The following OTOP3 variants were observed in gnomAD, a reference collection of about 807,000 sequenced individuals.
OTOP3 encodes otopetrin 3, also known as proton channel OTOP3.
In OTOP3, 41 loss-of-function variants were observed where a neutral mutation model predicts 50.8. The observed-to-expected ratio is 0.81, with a 90% CI of 0.63 to 1.05. OTOP3 has a LOEUF of 1.05. Among genes scored for constraint, OTOP3 ranks in the 50% least tolerant of loss-of-function variants. OTOP3 has a pLI of 0.00. For missense variants in OTOP3, 788 were observed against 760.8 expected (o/e 1.04, Z -0.42); for synonymous variants, 320 against 324.4 (o/e 0.99, Z 0.14).
At chr17:74,938,985 T>A (rs1187755541) in intron 1 of OTOP3, among the ~76,000 whole-genome samples, 1 of 150,196 alleles carries the variant, frequency 6.7e-6, no homozygotes, top group African/African-American at 2.5e-5. Flanking sequence ...TTAGGCAACA[T>A]AACGTGACCC....
At chr17:74,944,447 T>C (rs1251002066) in intron 5 of OTOP3, among the ~76,000 whole-genome samples, 1 of 152,224 alleles carries the variant, frequency 6.6e-6, no homozygotes, top group Non-Finnish European at 1.5e-5. Flanking sequence ...AGTGACATCA[T>C]GGATTTTGAA....
chr17:74,941,457 G>A lies in OTOP3; in HGVS notation c.84G>A (p.Lys28=), dbSNP rs549857606. ...EAQETEAAPE[K]ENRVDVGAEE... ...AGGAGACTGAAGCAGCCCCGGAGAA[G>A]GAGAACCGAGTGGATGTGGGGGCCG... is the stretch of plus-strand genomic sequence containing the variant. Residue 28 remains lysine (K), a synonymous_variant, in exon 2 of 7, where the codon AAG becomes AAA. Transcript: ENST00000328801. 6.3e-7 allele frequency: 1 copy of A among 1,599,692 alleles called. No individual in the cohort carries two copies. Among genetic ancestry groups the A allele is most frequent in the Non-Finnish European group, 8.5e-7 (1 of 1,172,500 alleles).
chr17:74,943,706 C>A lies in OTOP3; in HGVS notation c.733C>A (p.Leu245Ile). ...AGAGATCGAAGCTGAGCTTGGCATC[C>A]TCATGGAAAAATCCACAGGTATGGA... The part of the protein sequence containing the change: ...HREIEAELGI[L>I]MEKSTGNETN... Residue 245 changes from leucine to isoleucine, a missense_variant, in exon 5 of 7, where the codon CTC becomes ATC. Coordinates refer to ENST00000328801, the MANE Select transcript of OTOP3 (RefSeq NM_001272005.2). The A allele has an allele frequency of 6.2e-7, 1 of 1,609,228 alleles. No homozygotes were observed.
chr17:74,947,822 C>T (rs1329151179), intron 6 of OTOP3, among the ~76,000 whole-genome samples: 5 of 152,220 alleles, frequency 3.3e-5, no homozygotes, highest in Admixed American at 3.3e-4. Context: ...ATAATGGCTG[C>T]CCAGCTTCTG....
rs1054881328 is a variant in OTOP3, at chr17:74,940,718, C to T, written c.20-675C>T. Among the ~76,000 whole-genome samples the T allele has an allele frequency of 2.0e-5, 3 of 152,218 alleles. No individual in the cohort carries two copies. The East Asian group carries it at 5.8e-4, about 29-fold the overall frequency. On this transcript the variant is annotated intron_variant, in intron 1 of 6. Coordinates refer to ENST00000328801, the MANE Select transcript of OTOP3 (RefSeq NM_001272005.2). ...GAACAGTTTCATCCCGAAACCATCC[C>T]TCCACCCTCCATCCATGGAAAAATT...
chr17:74,938,182 G>T (rs1282410287), intron 1 of OTOP3, among the ~76,000 whole-genome samples: 1 of 152,170 alleles, frequency 6.6e-6, no homozygotes, highest in African/African-American at 2.4e-5. Context: ...TGCCCCAGAA[G>T]AGAACAGCAG....
Position 74,941,948 on chromosome 17 carries a change from C to G in OTOP3, c.484C>G (p.Arg162Gly). Residue 162 changes from arginine to glycine, a missense_variant, in exon 3 of 7, where the codon CGA becomes GGA. Arg to Gly is a moderately radical substitution (Grantham distance 125). Coordinates refer to ENST00000328801, the MANE Select transcript of OTOP3 (RefSeq NM_001272005.2). Reference protein sequence around the residue: ...GSCTFCLNIFRVGYDVSHIRC... With the variant: ...GSCTFCLNIFGVGYDVSHIRC... ...CTGCACCTTCTGCCTCAACATCTTC[C>G]GAGTGGGCTACGATGTGAGCCACAT... 1 of 1,613,164 alleles carries G rather than the reference C, an allele frequency of 6.2e-7. No individual in the cohort carries two copies. The highest frequency in any genetic ancestry group is 8.5e-7 in the Non-Finnish European group (1 of 1,179,464).
At chr17:74,947,647 C>A (rs1384734655) in intron 6 of OTOP3, among the ~76,000 whole-genome samples, 172 bp downstream of exon 6, 2 of 152,234 alleles carry the variant, frequency 1.3e-5, no homozygotes, top group African/African-American at 2.4e-5. Flanking sequence ...ATGTGCCAAG[C>A]ACTTGGCTAA....
chr17:74,939,771 G>T (rs1598602240), intron 1 of OTOP3, among the ~76,000 whole-genome samples: 1 of 152,172 alleles, frequency 6.6e-6, no homozygotes, highest in East Asian at 1.9e-4. Context: ...ATAGAAGCCA[G>T]TTCCTTCAAA....
rs1420818784 is a variant in OTOP3 at position 74,947,088 on chromosome 17, C to T, written c.1179C>T (p.Thr393=). ...AGCTGGACACGGTCAAGAACCCTAC[C>T]CGCAGCCTGGATGTGGTGCTGCTAA... The part of the protein sequence containing the change: ...ERELDTVKNP[T]RSLDVVLLMG... The change falls in exon 6 of 7, where the codon ACC becomes ACT. Residue 393 remains threonine, a synonymous_variant. Coordinates refer to ENST00000328801, the MANE Select transcript of OTOP3 (RefSeq NM_001272005.2). 6.2e-7 allele frequency: 1 copy of T among 1,614,044 alleles called. No individual in the cohort carries two copies. Among genetic ancestry groups the T allele is most frequent in the African/African-American group, 1.3e-5 (1 of 74,960 alleles).
chr17:74,941,807 G>C lies in OTOP3; in HGVS notation c.434G>C (p.Arg145Pro). 2 of 1,607,476 alleles carry C rather than the reference G, an allele frequency of 1.2e-6. No individual in the cohort carries two copies. The highest frequency in any genetic ancestry group is 1.1e-5 in the South Asian group (1 of 90,538). Residue 145 changes from arginine to proline, a missense_variant and splice_region_variant, in exon 2 of 7, where the codon CGG becomes CCG. Physicochemically the swap from Arg to Pro is moderately radical, Grantham distance 103. Coordinates refer to ENST00000328801, the MANE Select transcript of OTOP3 (RefSeq NM_001272005.2). Reference protein sequence around the residue: ...QDPHAGPLWVRGSLVLFGSCT... With the variant: ...QDPHAGPLWVPGSLVLFGSCT... ...CCCCACGCGGGGCCCCTCTGGGTGCGGGGTGAGTGTCAGGTTGCTGGGGGG... is the reference window on the plus strand; with the variant it reads ...CCCCACGCGGGGCCCCTCTGGGTGCCGGGTGAGTGTCAGGTTGCTGGGGGG...
rs756142492 is a variant in OTOP3 at position 74,941,551 on chromosome 17, C to T, written c.178C>T (p.Arg60Trp). ...WLVRHFSLLLRRDRQAQKAGQ... is the reference protein window; with the variant it reads ...WLVRHFSLLLWRDRQAQKAGQ... ...GGTGAGGCATTTCTCTCTGCTGCTG[C>T]GGCGGGACCGGCAGGCCCAGAAGGC... The change falls in exon 2 of 7, where the codon CGG (arginine) becomes TGG (tryptophan). Residue 60 changes from arginine to tryptophan, a missense_variant. Arg to Trp is a moderately radical substitution (Grantham distance 101). Transcript: ENST00000328801. 7.4e-6 allele frequency: 12 copies of T among 1,611,638 alleles called. No individual in the cohort carries two copies. The highest frequency in any genetic ancestry group is 2.2e-5 in the East Asian group (1 of 44,884).
At position 74,946,880 on chromosome 17, in the gene OTOP3, T is replaced by C. The variant is rs766897816; in HGVS notation, c.971T>C (p.Leu324Pro). ...CTGCACGGGGCCATCTTCGGGCCGCTGCTGGGCCTGCTGGTGCTGCTGGCA... is the reference window on the plus strand; with the variant it reads ...CTGCACGGGGCCATCTTCGGGCCGCCGCTGGGCCTGCTGGTGCTGCTGGCA... ...FHLHGAIFGPLLGLLVLLAGV... is the reference protein window; with the variant it reads ...FHLHGAIFGPPLGLLVLLAGV... Residue 324 changes from leucine to proline, a missense_variant, in exon 6 of 7, where the codon CTG (leucine) becomes CCG (proline). Physicochemically the swap from Leu to Pro is moderately conservative, Grantham distance 98. Coordinates refer to ENST00000328801, the MANE Select transcript of OTOP3 (RefSeq NM_001272005.2). The C allele has an allele frequency of 1.2e-6, 2 of 1,610,690 alleles. No homozygotes were observed. The highest frequency in any genetic ancestry group is 2.7e-5 in the African/African-American group (2 of 74,966).
intron 4 of OTOP3, 81 bp from the exon 5 acceptor site, chr17:74,943,524 GC>G (rs1000289210): frequency 4.9e-6 from 7 of 1,430,086 alleles, no homozygotes; most frequent in Non-Finnish European, 6.9e-6. Context: ...GTGAGTGGTT[GC>G]CCCAACAACA....
In OTOP3 at chr17:74,946,996, G is replaced by T. The variant is rs1475428721; in HGVS notation, c.1087G>T (p.Ala363Ser). The T allele has an allele frequency of 6.2e-7, 1 of 1,613,768 alleles. No individual in the cohort carries two copies. The highest frequency in any genetic ancestry group is 1.3e-5 in the African/African-American group (1 of 74,952). Residue 363 changes from alanine (A) to serine (S), a missense_variant, in exon 6 of 7, where the codon GCT becomes TCT. Transcript: ENST00000328801. The stretch of plus-strand genomic sequence containing the variant: ...CACCCTCTACTATGCCTTCTATGTG[G>T]CTGTGCTGCCCACCATGAGTCTGGC... ...YFTLYYAFYVAVLPTMSLACL... is the reference protein window; with the variant it reads ...YFTLYYAFYVSVLPTMSLACL...
At chr17:74,946,607 C>A in intron 5 of OTOP3, 54 bp from the exon 6 acceptor site, 1 of 1,493,838 alleles carries the variant, frequency 6.7e-7, no homozygotes. Context: ...AGCCAGTTTC[C>A]TCAGAGCAGA....
Position 74,941,481 on chromosome 17 carries a change from C to T in OTOP3, c.108C>T (p.Ala36=), listed in dbSNP as rs781015376. 2.4e-5 allele frequency: 38 copies of T among 1,610,660 alleles called. No homozygotes were observed. Among genetic ancestry groups the T allele is most frequent in the Non-Finnish European group, 2.8e-5 (33 of 1,178,226 alleles). The part of the protein sequence containing the change: ...PEKENRVDVG[A]EERAAATRPR... ...AGGAGAACCGAGTGGATGTGGGGGC[C>T]GAGGAGAGAGCGGCCGCCACCCGGC... Residue 36 remains alanine, a synonymous_variant, in exon 2 of 7, where the codon GCC becomes GCT. Transcript: ENST00000328801.
At chr17:74,943,466 C>T (rs1413218441) in intron 4 of OTOP3, 122 bp downstream of exon 4, 1 of 1,354,558 alleles carries the variant, frequency 7.4e-7, no homozygotes, top group African/African-American at 1.4e-5. Context: ...CCAGGGCTGC[C>T]TCTTGTGTCC....
chr17:74,941,685 G>A lies in OTOP3; in HGVS notation c.312G>A (p.Trp104Ter), dbSNP rs1011216551. The A allele has an allele frequency of 5.6e-6, 9 of 1,614,024 alleles. No homozygotes were observed. The highest frequency in any genetic ancestry group is 6.8e-6 in the Non-Finnish European group (8 of 1,180,030). ...NKVAVTLGDVWILLATLKVLS... is the reference protein window; with the variant it reads ...NKVAVTLGDV Reference sequence around the variant, plus strand: ...TGGCCGTCACTCTGGGTGACGTGTGGATCCTGCTGGCCACGCTGAAGGTCC... The same window carrying A: ...TGGCCGTCACTCTGGGTGACGTGTGAATCCTGCTGGCCACGCTGAAGGTCC... The change falls in exon 2 of 7, where the codon TGG becomes TGA. Residue 104 changes from tryptophan to a stop codon, truncating the protein, a stop_gained. Coordinates refer to ENST00000328801, the MANE Select transcript of OTOP3 (RefSeq NM_001272005.2). LOFTEE classifies it high-confidence loss of function.
Sources: gnomAD v4.1 joint callset for allele counts (sites outside exome capture counted in the v4.1 genomes callset) on GRCh38, gnomAD v4.1.1 for gene constraint, MANE v1.5 for transcripts, NCBI Gene and HGNC (gene_info 2026-07-23, HGNC 2026-07-21) for gene names.